Variants in ZNF730 observed in about 807,000 individuals in gnomAD.
ZNF730 encodes the protein zinc finger protein 730, also known as putative zinc finger protein 730.
ZNF730 carries 12 observed loss-of-function variants against 12.6 expected under a neutral mutation model. The ratio of observed to expected loss-of-function variants is 0.95; its 90% CI spans 0.61 to 1.54. The LOEUF is 1.54. Ranked by LOEUF, ZNF730 falls within the 40% of genes most tolerant of loss-of-function variation. The probability of loss-of-function intolerance (pLI) is 0.00; values close to 1 mark genes in which losing one functional copy is unlikely to be tolerated. For missense variants in ZNF730, 643 were observed against 583.5 expected, an observed-to-expected ratio of 1.10 and a Z score of -1.05; for synonymous variants, 194 against 195.8, an observed-to-expected ratio of 0.99 and a Z score of 0.08.
At chr19:23,111,902 C>T (rs1970465066) in intron 1 of ZNF730, among the ~76,000 whole-genome samples, 2 of 152,218 alleles carry the variant, frequency 1.3e-5, no homozygotes, top group Admixed American at 1.3e-4. Context: ...GCCTATGCAC[C>T]TAAGAGAACC....
upstream of ZNF730, among the ~76,000 whole-genome samples, chr19:23,114,138 A>G (rs1359626237): frequency 1.3e-5 from 2 of 152,048 alleles, no homozygotes; most frequent in Non-Finnish European, 2.9e-5. Context: ...CTATTTTCTG[A>G]TGTCACCTTG....
chr19:23,115,595 T>G (rs980161433), upstream of ZNF730, among the ~76,000 whole-genome samples: 8 of 152,172 alleles, frequency 5.3e-5, no homozygotes, highest in Non-Finnish European at 5.9e-5. Flanking sequence ...GCCCTCTCCA[T>G]GAACAAAGCA....
At chr19:23,111,176 A>T (rs1264857185) in intron 1 of ZNF730, among the ~76,000 whole-genome samples, 1 of 152,128 alleles carries the variant, frequency 6.6e-6, no homozygotes, top group African/African-American at 2.4e-5. Flanking sequence ...CTTCTAAATT[A>T]CTAAAATAGG....
chr19:23,140,960 AC>A (rs563542920), intron 3 of ZNF730, among the ~76,000 whole-genome samples: 1 of 151,946 alleles, frequency 6.6e-6, no homozygotes, highest in Non-Finnish European at 1.5e-5. Context: ...TCAAAAAAAA[AC>A]TAAGTATTCA....
intron 3 of ZNF730, among the ~76,000 whole-genome samples, chr19:23,136,458 G>T (rs1174814087): frequency 6.6e-6 from 1 of 152,066 alleles, no homozygotes; most frequent in Non-Finnish European, 1.5e-5. Flanking sequence ...GGGCTGGAGT[G>T]CAGTGGTGCG....
intron 1 of ZNF730, among the ~76,000 whole-genome samples, chr19:23,091,589 G>A (rs1676466): frequency 6.6e-6 from 1 of 152,038 alleles, no homozygotes; most frequent in Non-Finnish European, 1.5e-5. Context: ...TTGCATCAGC[G>A]TGACCTGGAT....
intron 1 of ZNF730, among the ~76,000 whole-genome samples, chr19:23,117,959 C>G (rs1332295340): frequency 8.5e-5 from 13 of 152,242 alleles, no homozygotes; most frequent in African/African-American, 3.1e-4. Flanking sequence ...TTTTCACACT[C>G]CACAGGAGAC....
intron 1 of ZNF730, chr19:23,095,275 A>G (rs991999903): frequency 1.0e-4 from 40 of 397,648 alleles, no homozygotes; most frequent in Non-Finnish European, 1.6e-4. Context: ...GACATTGTGT[A>G]ATATCGTTGG....
At chr19:23,106,659 C>G (rs991420243) in intron 1 of ZNF730, among the ~76,000 whole-genome samples, 3 of 152,040 alleles carry the variant, frequency 2.0e-5, no homozygotes, top group African/African-American at 4.8e-5. Context: ...GGTATGGTGG[C>G]ACATGCCTGT....
At chr19:23,095,110 A>C (rs1970226581) in intron 1 of ZNF730, 1 of 347,888 alleles carries the variant, frequency 2.9e-6, no homozygotes, top group African/African-American at 2.1e-5. Flanking sequence ...GCCTGGGCCC[A>C]ACTCACAGAA....
rs556123915 is a variant in ZNF730, at chr19:23,085,836, C to CTTTTTTTTTTTTTTTTTTTTTTTTTT, written c.-94+10451_-94+10476dup. Among the ~76,000 whole-genome samples the CTTTTTTTTTTTTTTTTTTTTTTTTTT allele has an allele frequency of 7.1e-4, 39 of 54,856 alleles. 11 individuals carry two copies. Among genetic ancestry groups the CTTTTTTTTTTTTTTTTTTTTTTTTTT allele is most frequent in the African/African-American group, 9.1e-4 (11 of 12,034 alleles). The allele number at this position is 54,856 out of a possible 152,430, so 36.0% of individuals were successfully genotyped here. A position where few individuals can be genotyped will look rare whatever the true frequency, so the allele number is the denominator to read the frequency against. ...GACCTATTTCACCCAATTTTTTTTTCTTTTTTTTTTTTTTTTTTTTTTTTT... is the reference window on the plus strand; with the variant it reads ...GACCTATTTCACCCAATTTTTTTTTCTTTTTTTTTTTTTTTTTTTTTTTTTTTTTTTTTTTTTTTTTTTTTTTTTTT... On this transcript the variant is annotated intron_variant, in intron 1 of 2. Transcript: ENST00000593635.
At chr19:23,077,857 A>G (rs1010461180) in intron 1 of ZNF730, among the ~76,000 whole-genome samples, 1 of 152,114 alleles carries the variant, frequency 6.6e-6, no homozygotes, top group African/African-American at 2.4e-5. Flanking sequence ...GATGCTATTA[A>G]TCTGTAACCC....
chr19:23,140,676 G>A (rs867939196), intron 3 of ZNF730, among the ~76,000 whole-genome samples: 1 of 151,448 alleles, frequency 6.6e-6, no homozygotes, highest in Non-Finnish European at 1.5e-5. Flanking sequence ...ATTTAAGGCC[G>A]GGCGTGGTGG....
chr19:23,100,954 G>A (rs1203478476), intron 1 of ZNF730, among the ~76,000 whole-genome samples: 1 of 152,036 alleles, frequency 6.6e-6, no homozygotes, highest in Non-Finnish European at 1.5e-5. Flanking sequence ...ATGCCCGGCA[G>A]TGATTCATTT....
intron 1 of ZNF730, among the ~76,000 whole-genome samples, chr19:23,098,861 T>A (rs1222246983): frequency 6.6e-6 from 1 of 152,182 alleles, no homozygotes; most frequent in Non-Finnish European, 1.5e-5. Context: ...ATGACTCTAA[T>A]ACTTTGTACC....
At chr19:23,129,950 T>C (rs963972784) in intron 1 of ZNF730, among the ~76,000 whole-genome samples, 40 of 144,448 alleles carry the variant, frequency 2.8e-4, no homozygotes, top group African/African-American at 1.0e-3. Context: ...GCCAAGATCG[T>C]GCCACTGCAC....
At chr19:23,078,861 G>A (rs191686189) in intron 1 of ZNF730, among the ~76,000 whole-genome samples, 1 of 152,064 alleles carries the variant, frequency 6.6e-6, no homozygotes, top group East Asian at 1.9e-4. Context: ...CTGGAGTGCA[G>A]TGGCACAATC....
At chr19:23,140,607 TA>T (rs35291458) in intron 3 of ZNF730, among the ~76,000 whole-genome samples, 2,402 of 128,828 alleles carry the variant, frequency 0.019, 49 homozygotes, top group African/African-American at 0.059. Flanking sequence ...GACTCGGTCT[TA>T]AAAAAAAAAA....
At chr19:23,099,571 CTT>C (rs1205073137) in intron 1 of ZNF730, among the ~76,000 whole-genome samples, 1 of 152,196 alleles carries the variant, frequency 6.6e-6, no homozygotes, top group African/African-American at 2.4e-5. Flanking sequence ...GTTGATGACT[CTT>C]TAACCAAAAT....
Sources: allele counts gnomAD v4.1 joint callset (sites outside exome capture counted in the v4.1 genomes callset), GRCh38; gene constraint gnomAD v4.1.1; transcripts MANE v1.5; gene names NCBI Gene and HGNC (gene_info 2026-07-23, HGNC 2026-07-21).